Variants in C1QBP observed in about 807,000 individuals in gnomAD.
The protein encoded by C1QBP is complement component 1 Q subcomponent-binding protein, mitochondrial.
In C1QBP, 24 loss-of-function variants were observed where a neutral mutation model predicts 29.4. That is an observed-to-expected ratio of 0.82 (90% CI 0.59 to 1.15). The LOEUF (loss-of-function observed/expected upper bound fraction) is 1.15. Among genes scored for constraint, C1QBP ranks in the 50% most tolerant of loss-of-function variants. The probability of loss-of-function intolerance (pLI) is 0.00; values close to 1 mark genes in which losing one functional copy is unlikely to be tolerated. For missense variants in C1QBP, 337 were observed against 355.8 expected, an observed-to-expected ratio of 0.95 and a Z score of 0.43; for synonymous variants, 182 against 149.2, an observed-to-expected ratio of 1.22 and a Z score of -1.60.
chr17:5,438,864 G>A lies in C1QBP; in HGVS notation c.210C>T (p.Gly70=). The A allele has an allele frequency of 6.5e-7, 1 of 1,545,772 alleles. No individual in the cohort carries two copies. The stretch of plus-strand genomic sequence containing the variant: ...CACCGTCGGTGTGCAGCGAGCCGCA[G>A]CCACAGCCACAGGCGCAGGGTCCGC... ...RPRGPCACGC[G]CGSLHTDGDK... is the part of the protein sequence containing the mutation. The change falls in exon 1 of 6, where the codon GGC becomes GGT. Residue 70 remains glycine, a synonymous_variant. Coordinates refer to ENST00000225698, the MANE Select transcript of C1QBP (RefSeq NM_001212.4).
chr17:5,435,874 C>CAAAAAAAAAA (rs200057698), intron 2 of C1QBP, among the ~76,000 whole-genome samples: 267 of 105,252 alleles, frequency 2.5e-3, no homozygotes, highest in Non-Finnish European at 3.8e-3. Context: ...CTAAAAAATA[C>CAAAAAAAAAA]AAAAAAAAAA....
At chr17:5,435,587 G>A (rs915805272) in intron 2 of C1QBP, among the ~76,000 whole-genome samples, 4 of 151,952 alleles carry the variant, frequency 2.6e-5, no homozygotes, top group Non-Finnish European at 4.4e-5. Flanking sequence ...CACAAAGCAG[G>A]CCAGACACAC....
Position 5,433,728 on chromosome 17 carries a change from T to C in C1QBP, c.517A>G (p.Ile173Val). Residue 173 changes from isoleucine to valine, a missense_variant, in exon 4 of 6, where the codon ATA (isoleucine) becomes GTA (valine). Ile to Val is a conservative substitution (Grantham distance 29). Transcript: ENST00000225698. ...TSTPNFVVEV[I>V]KNDDGKKALV... ...GCCTTCTTGCCATCATCATTCTTTA[T>C]AACTTCAACCACGAAATTGGGAGTT... 6.2e-7 allele frequency: 1 copy of C among 1,614,256 alleles called. No individual in the cohort carries two copies. Among genetic ancestry groups the C allele is most frequent in the Admixed American group, 1.7e-5 (1 of 60,032 alleles).
At chr17:5,433,518 C>T in intron 4 of C1QBP, 103 bp from the exon 5 acceptor site, 1 of 1,539,908 alleles carries the variant, frequency 6.5e-7, no homozygotes, top group Non-Finnish European at 8.9e-7. Context: ...CAGGTTTTAA[C>T]CCTCTTCCCT....
At position 5,433,829 on chromosome 17, in the gene C1QBP, A is replaced by C. The variant is rs1916180408; in HGVS notation, c.478-62T>G. 2.1e-5 allele frequency: 30 copies of C among 1,427,236 alleles called. No individual in the cohort carries two copies. In the South Asian group the frequency reaches 2.9e-4, roughly 14 times the overall value. 88.4% of individuals were successfully genotyped at this position (1,427,236 alleles called of 1,614,324 possible). On this transcript the variant is annotated intron_variant, in intron 3 of 5. Transcript: ENST00000225698. ...AAGGAGATGGATGGCTGGATCAAGG[A>C]TCTCTGTTCAGAGTGTCTGATGGCC... is the stretch of plus-strand genomic sequence containing the variant.
chr17:5,433,526 C>T, intron 4 of C1QBP, 111 bp from the exon 5 acceptor site: 1 of 1,525,108 alleles, frequency 6.6e-7, no homozygotes. Flanking sequence ...AACCCTCTTC[C>T]CTCACTCCCC....
chr17:5,435,024 G>C, intron 2 of C1QBP, 58 bp from the exon 3 acceptor site: 2 of 1,413,520 alleles, frequency 1.4e-6, no homozygotes, highest in Non-Finnish European at 2.0e-6. Flanking sequence ...TTTTAACCGA[G>C]CAGGTTAACA....
In C1QBP at chr17:5,433,538, CCT is replaced by C; in HGVS notation, c.577-125_577-124del. 4 of 1,508,404 alleles carry C rather than the reference CCT, an allele frequency of 2.7e-6. No homozygotes were observed. In the South Asian group the frequency reaches 3.4e-5, roughly 13 times the overall value. The allele number at this position is 1,508,404 out of a possible 1,614,324, so 93.4% of individuals were successfully genotyped here. A position where few individuals can be genotyped will look rare whatever the true frequency, so the allele number is the denominator to read the frequency against. ...TTTAACCCTCTTCCCTCACTCCCCA[CCT>C]CTCTCCCCCTGCTGGGCTGGTCTAA... On this transcript the variant is annotated intron_variant, in intron 4 of 5. Coordinates refer to ENST00000225698, the MANE Select transcript of C1QBP (RefSeq NM_001212.4).
At chr17:5,434,290 C>A (rs960951195) in intron 3 of C1QBP, among the ~76,000 whole-genome samples, 3 of 152,124 alleles carry the variant, frequency 2.0e-5, no homozygotes, top group Non-Finnish European at 2.9e-5. Flanking sequence ...AGAGCTGCGC[C>A]GTCCACACCA....
intron 2 of C1QBP, among the ~76,000 whole-genome samples, chr17:5,435,919 G>T (rs1020703121): frequency 6.8e-6 from 1 of 147,940 alleles, no homozygotes; most frequent in African/African-American, 2.6e-5. Context: ...GGTGGTACGC[G>T]CCTGTAATCC....
At chr17:5,438,755 C>T (rs1325941410) in intron 1 of C1QBP, 87 bp downstream of exon 1, 1 of 1,542,416 alleles carries the variant, frequency 6.5e-7, no homozygotes, top group African/African-American at 1.4e-5. Context: ...ATGTCCCAGA[C>T]CTCAGAGGTC....
At chr17:5,434,014 T>C (rs1916186101) in intron 3 of C1QBP, 1 of 540,588 alleles carries the variant, frequency 1.8e-6, no homozygotes, top group Non-Finnish European at 3.3e-6. Context: ...ATGTGCCAAT[T>C]AACTGAGTTT....
At chr17:5,435,022 G>A (rs972272690) in intron 2 of C1QBP, 56 bp from the exon 3 acceptor site, 58 of 1,440,962 alleles carry the variant, frequency 4.0e-5, no homozygotes, top group Non-Finnish European at 5.4e-5. Context: ...GGTTTTAACC[G>A]AGCAGGTTAA....
At position 5,438,153 on chromosome 17, in the gene C1QBP, G is replaced by C; in HGVS notation, c.353C>G (p.Ala118Gly). Reference protein sequence around the residue: ...GWELELNGTEAKLVRKVAGEK... With the variant: ...GWELELNGTEGKLVRKVAGEK... Reference sequence around the variant, plus strand: ...CCCGGCAACTTTCCGCACTAATTTCGCTTCTGTCCCATTCAGTTCCAGCTC... The same window carrying C: ...CCCGGCAACTTTCCGCACTAATTTCCCTTCTGTCCCATTCAGTTCCAGCTC... The change falls in exon 2 of 6, where the codon GCG becomes GGG. Residue 118 changes from alanine to glycine, a missense_variant. Coordinates refer to ENST00000225698, the MANE Select transcript of C1QBP (RefSeq NM_001212.4). 1.2e-6 allele frequency: 2 copies of C among 1,612,608 alleles called. No homozygotes were observed. Among genetic ancestry groups the C allele is most frequent in the Non-Finnish European group, 1.7e-6 (2 of 1,179,966 alleles).
chr17:5,439,094 C>G lies in C1QBP; in HGVS notation c.-21G>C. The G allele has an allele frequency of 6.5e-7, 1 of 1,540,398 alleles. No homozygotes were observed. The highest frequency in any genetic ancestry group is 8.7e-7 in the Non-Finnish European group (1 of 1,143,180). On this transcript the variant is annotated 5_prime_UTR_variant, in exon 1 of 6. Coordinates refer to ENST00000225698, the MANE Select transcript of C1QBP (RefSeq NM_001212.4). ...AGCATCGCGGAAACGACTGCGAACA[C>G]GTGCAGATGCAAAGGACAACCCAGG...
chr17:5,434,464 C>CCTTTTT (rs1555532574), intron 3 of C1QBP, among the ~76,000 whole-genome samples: 3 of 97,862 alleles, frequency 3.1e-5, no homozygotes, highest in East Asian at 7.7e-4. Flanking sequence ...TTCTCTCTCT[C>CCTTTTT]TTTTTTTTTT....
At chr17:5,435,874 C>CAAAAAA (rs200057698) in intron 2 of C1QBP, among the ~76,000 whole-genome samples, 5 of 105,670 alleles carry the variant, frequency 4.7e-5, no homozygotes, top group South Asian at 2.8e-4. Flanking sequence ...CTAAAAAATA[C>CAAAAAA]AAAAAAAAAA....
At chr17:5,438,318 T>C in intron 1 of C1QBP, 45 bp from the exon 2 acceptor site, 2 of 1,595,484 alleles carry the variant, frequency 1.3e-6, no homozygotes, top group South Asian at 2.2e-5. Context: ...CCAGTTAGTC[T>C]AAAACATAAA....
intron 2 of C1QBP, 98 bp downstream of exon 2, chr17:5,438,025 A>G: frequency 6.9e-7 from 1 of 1,453,686 alleles, no homozygotes; most frequent in Non-Finnish European, 9.2e-7. Context: ...TTATCAAAGT[A>G]TCCACACCTG....
Sources: gnomAD v4.1 joint callset for allele counts (sites outside exome capture counted in the v4.1 genomes callset) on GRCh38, gnomAD v4.1.1 for gene constraint, MANE v1.5 for transcripts, NCBI Gene and HGNC (gene_info 2026-07-23, HGNC 2026-07-21) for gene names.